The following MACROD2 variants were observed in gnomAD, a reference collection of about 807,000 sequenced individuals.
The protein encoded by MACROD2 is mono-ADP ribosylhydrolase 2.
Under a neutral mutation model 70.4 loss-of-function variants are expected in MACROD2, and 36 were observed. The observed-to-expected ratio is 0.51, with a 90% CI of 0.39 to 0.68. MACROD2 has a LOEUF of 0.68. Ranked by LOEUF, MACROD2 falls within the 30% of genes least tolerant of loss-of-function variation. The pLI is 0.00. For missense variants in MACROD2, 496 were observed against 538.4 expected (o/e 0.92, Z 0.78); for synonymous variants, 172 against 178.8 (o/e 0.96, Z 0.30).
At chr20:15,180,006 GC>G (rs1261866992) in intron 5 of MACROD2, among the ~76,000 whole-genome samples, 1 of 152,128 alleles carries the variant, frequency 6.6e-6, no homozygotes, top group Non-Finnish European at 1.5e-5. Flanking sequence ...CCACCCTCTT[GC>G]TTACTCTTCA....
At chr20:15,021,095 TGTGTATACACGTGTATGTGTATACAC>T (rs2075167137) in intron 5 of MACROD2, among the ~76,000 whole-genome samples, 1 of 130,940 alleles carries the variant, frequency 7.6e-6, no homozygotes, top group African/African-American at 3.2e-5. Flanking sequence ...TACACGTGTA[TGTGTATACACGTGTATGTGTATACAC>T]GTGTGTATAC....
chr20:15,273,173 A>G (rs2077360484), intron 6 of MACROD2, among the ~76,000 whole-genome samples: 1 of 152,142 alleles, frequency 6.6e-6, no homozygotes, highest in Admixed American at 6.5e-5. Flanking sequence ...ATCCACCCTT[A>G]ATCTGATGGG....
intron 5 of MACROD2, among the ~76,000 whole-genome samples, chr20:14,711,012 A>G (rs1258331437): frequency 1.3e-5 from 2 of 152,188 alleles, no homozygotes; most frequent in Admixed American, 1.3e-4. Flanking sequence ...ATATTTTCCT[A>G]TCAGGTGTAT....
chr20:15,202,607 A>G (rs2076666210), intron 5 of MACROD2, among the ~76,000 whole-genome samples: 1 of 152,210 alleles, frequency 6.6e-6, no homozygotes, highest in African/African-American at 2.4e-5. Context: ...AAGAAGCAGC[A>G]TATAAAAGAA....
chr20:15,293,346 A>G (rs1201284834), intron 6 of MACROD2, among the ~76,000 whole-genome samples: 1 of 152,242 alleles, frequency 6.6e-6, no homozygotes, highest in Non-Finnish European at 1.5e-5. Flanking sequence ...AAGTTTTAGA[A>G]TATTGCGTTA....
intron 2 of MACROD2, among the ~76,000 whole-genome samples, chr20:14,059,709 C>T (rs1181348697): frequency 2.0e-5 from 3 of 152,120 alleles, no homozygotes; most frequent in African/African-American, 7.2e-5. Context: ...TTTTGTCAGG[C>T]ATTTGAGATA....
At chr20:15,362,862 A>G (rs897766853) in intron 6 of MACROD2, among the ~76,000 whole-genome samples, 1 of 152,084 alleles carries the variant, frequency 6.6e-6, no homozygotes, top group South Asian at 2.1e-4. Context: ...AAAATTTAAA[A>G]ATATATTTAA....
At chr20:14,593,238 AT>A (rs1286154731) in intron 4 of MACROD2, among the ~76,000 whole-genome samples, 1 of 152,084 alleles carries the variant, frequency 6.6e-6, no homozygotes, top group Admixed American at 6.6e-5. Context: ...ATTAGAGGAA[AT>A]TTTTTTGGGC....
intron 3 of MACROD2, among the ~76,000 whole-genome samples, chr20:14,197,687 A>T (rs1361740586): frequency 6.6e-6 from 1 of 152,048 alleles, no homozygotes; most frequent in East Asian, 1.9e-4. Context: ...CAATTGCTTG[A>T]ACCTGGTAAG....
intron 8 of MACROD2, among the ~76,000 whole-genome samples, chr20:15,777,192 G>T (rs1487038046): frequency 6.6e-6 from 1 of 152,004 alleles, no homozygotes; most frequent in Admixed American, 6.5e-5. Context: ...TAAATATGTT[G>T]TAATATACAA....
chr20:15,765,561 G>T (rs1345794995), intron 8 of MACROD2, among the ~76,000 whole-genome samples: 3 of 152,116 alleles, frequency 2.0e-5, no homozygotes, highest in African/African-American at 4.8e-5. Context: ...CGGTGGGAAA[G>T]AATATTTTTA....
Position 15,181,011 on chromosome 20 carries a change from T to C in MACROD2, c.419-48929T>C, listed in dbSNP as rs185427606. Among the ~76,000 whole-genome samples, 184 of 152,318 alleles carry C rather than the reference T, an allele frequency of 1.2e-3. 3 individuals are homozygous for C. In the South Asian group the frequency reaches 0.028, roughly 23 times the overall value. ...TTTAGTAGAATAAAAGTTACACATG[T>C]TTTTATTGTGCATTTGGGCTGTTTT... On this transcript the variant is annotated intron_variant, in intron 5 of 17. Transcript: ENST00000684519.
At chr20:14,905,571 T>C (rs2073949209) in intron 5 of MACROD2, 2 of 152,154 alleles carry the variant, frequency 1.3e-5, no homozygotes, top group African/African-American at 4.8e-5. Context: ...ACACAGCAAA[T>C]GGATGGAACT....
intron 5 of MACROD2, among the ~76,000 whole-genome samples, chr20:14,918,682 T>C (rs549096944): frequency 7.5e-5 from 11 of 146,778 alleles, no homozygotes; most frequent in Non-Finnish European, 9.0e-5. Flanking sequence ...TGCTAAACAA[T>C]GTCTCCTCTA....
chr20:15,161,706 A>G (rs1279287295), intron 5 of MACROD2, among the ~76,000 whole-genome samples: 1 of 152,060 alleles, frequency 6.6e-6, no homozygotes, highest in East Asian at 1.9e-4. Context: ...ACAAAGGTAT[A>G]TTCAATAAAA....
chr20:15,505,815 G>A (rs535662883), intron 8 of MACROD2, among the ~76,000 whole-genome samples: 2 of 152,286 alleles, frequency 1.3e-5, no homozygotes, highest in Admixed American at 1.3e-4. Flanking sequence ...TTTTATATAG[G>A]AGGAAGGTGG....
intron 5 of MACROD2, among the ~76,000 whole-genome samples, chr20:15,096,808 A>ATTTTT (rs11479076): frequency 2.1e-5 from 2 of 93,660 alleles, no homozygotes; most frequent in African/African-American, 9.2e-5. Flanking sequence ...CACTATGCTA[A>ATTTTT]TTTTTTTTTT....
intron 6 of MACROD2, among the ~76,000 whole-genome samples, chr20:15,261,991 C>T (rs1364587173): frequency 6.6e-6 from 1 of 151,864 alleles, no homozygotes; most frequent in Admixed American, 6.6e-5. Context: ...ATGTATAATA[C>T]TCACATCAGG....
At chr20:14,722,632 C>G (rs1568759100) in intron 5 of MACROD2, among the ~76,000 whole-genome samples, 1 of 152,108 alleles carries the variant, frequency 6.6e-6, no homozygotes, top group Non-Finnish European at 1.5e-5. Context: ...TATTGAAATA[C>G]ATATGGAACA....
Sources: gnomAD v4.1 joint callset for allele counts (sites outside exome capture counted in the v4.1 genomes callset) on GRCh38, gnomAD v4.1.1 for gene constraint, MANE v1.5 for transcripts, NCBI Gene and HGNC (gene_info 2026-07-23, HGNC 2026-07-21) for gene names.